Variants in FABP9 observed in about 807,000 individuals in gnomAD.
FABP9 encodes fatty acid-binding protein 9.
In FABP9, 11 loss-of-function variants were observed where a neutral mutation model predicts 14.7. The observed-to-expected ratio is 0.75, with a 90% CI of 0.47 to 1.24. FABP9 has a LOEUF of 1.24. FABP9 is among the 50% of genes most tolerant of loss of function. The pLI is 0.00. For synonymous variants in FABP9, 54 were observed against 50.6 expected (o/e 1.07, Z -0.29); for missense variants, 171 against 158.2 (o/e 1.08, Z -0.44).
chr8:81,461,011 A>G (rs971141674), intron 1 of FABP9, among the ~76,000 whole-genome samples: 1 of 152,200 alleles, frequency 6.6e-6, no homozygotes, highest in Admixed American at 6.5e-5. Flanking sequence ...CTAAAAATTA[A>G]CCAACTAGAA....
At position 81,459,174 on chromosome 8, in the gene FABP9, C is replaced by A. The variant is rs1188900757; in HGVS notation, c.237G>T (p.Arg79=). The A allele has an allele frequency of 1.3e-6, 2 of 1,588,968 alleles. No individual in the cohort carries two copies. The highest frequency in any genetic ancestry group is 1.7e-6 in the Non-Finnish European group (2 of 1,172,048). Residue 79 remains arginine (R), a synonymous_variant, in exon 2 of 4, where the codon CGG becomes CGT. Coordinates refer to ENST00000379071, the MANE Select transcript of FABP9 (RefSeq NM_001080526.2). ...AAGAATTAGTTCTGACCTTTACTTTCCGGTTGTCTGCTGTAGTTTCATCAA... is the reference window on the plus strand; with the variant it reads ...AAGAATTAGTTCTGACCTTTACTTTACGGTTGTCTGCTGTAGTTTCATCAA... The part of the protein sequence containing the change: ...EEFDETTADN[R]KVKSTITLEN...
In FABP9 at chr8:81,461,533, C is replaced by T; in HGVS notation, c.-10G>A. On this transcript the variant is annotated 5_prime_UTR_variant, in exon 1 of 4. In the 5' UTR this introduces an upstream ATG that the reference lacks. Coordinates refer to ENST00000379071, the MANE Select transcript of FABP9 (RefSeq NM_001080526.2). ...AGAAGGGCTCAACCATCATGGAACA[C>T]TTGCTGAGAAGAGCCACTCGTAATT... 1 of 1,611,158 alleles carries T rather than the reference C, an allele frequency of 6.2e-7. No homozygotes were observed. Among genetic ancestry groups the T allele is most frequent in the Non-Finnish European group, 8.5e-7 (1 of 1,177,438 alleles).
intron 1 of FABP9, among the ~76,000 whole-genome samples, chr8:81,460,745 CTTAA>C (rs1181911770): frequency 6.6e-6 from 1 of 152,034 alleles, no homozygotes; most frequent in Non-Finnish European, 1.5e-5. Flanking sequence ...GGAGGTTTCT[CTTAA>C]TTAAATATGA....
intron 1 of FABP9, among the ~76,000 whole-genome samples, chr8:81,460,162 GCTAATTT>G (rs1807669467): frequency 6.6e-6 from 1 of 152,114 alleles, no homozygotes; most frequent in Non-Finnish European, 1.5e-5. Context: ...ACCATGCCCA[GCTAATTT>G]TTGTATTTTT....
chr8:81,458,686 C>T lies in FABP9; in HGVS notation c.264G>A (p.Glu88=), dbSNP rs775289277. 6.2e-7 allele frequency: 1 copy of T among 1,613,286 alleles called. No individual in the cohort carries two copies. The highest frequency in any genetic ancestry group is 2.2e-5 in the East Asian group (1 of 44,850). ...TTTGGACGTGAATCATTGAGCCATTCTCTAATGTTATGGTGCTCTATAAAT... is the reference window on the plus strand; with the variant it reads ...TTTGGACGTGAATCATTGAGCCATTTTCTAATGTTATGGTGCTCTATAAAT... ...NRKVKSTITL[E]NGSMIHVQKW... Residue 88 remains glutamate (E), a synonymous_variant, in exon 3 of 4, where the codon GAG becomes GAA. Transcript: ENST00000379071.
intron 2 of FABP9, among the ~76,000 whole-genome samples, 189 bp from the exon 3 acceptor site, chr8:81,458,892 C>T (rs940704301): frequency 6.6e-6 from 1 of 152,166 alleles, no homozygotes; most frequent in African/African-American, 2.4e-5. Flanking sequence ...CCTAGGCAAA[C>T]AATGCATAAG....
chr8:81,458,642 G>A lies in FABP9; in HGVS notation c.308C>T (p.Thr103Ile). The A allele has an allele frequency of 1.2e-6, 2 of 1,613,642 alleles. No homozygotes were observed. Among genetic ancestry groups the A allele is most frequent in the Non-Finnish European group, 1.7e-6 (2 of 1,179,812 alleles). ...ATCCACAATTTTTCTTTTGATTGTT[G>A]TCTCTTTGCCAAGCCATTTTTGGAC... Reference protein sequence around the residue: ...IHVQKWLGKETTIKRKIVDEK... With the variant: ...IHVQKWLGKEITIKRKIVDEK... Residue 103 changes from threonine (T) to isoleucine (I), a missense_variant, in exon 3 of 4, where the codon ACA (threonine) becomes ATA (isoleucine). Thr to Ile is a moderately conservative substitution (Grantham distance 89). Transcript: ENST00000379071.
chr8:81,459,773 C>G (rs189059519), intron 1 of FABP9, among the ~76,000 whole-genome samples: 2 of 152,248 alleles, frequency 1.3e-5, no homozygotes, highest in East Asian at 3.9e-4. Flanking sequence ...ATATCAAACT[C>G]CATTTCACAT....
In FABP9 at chr8:81,461,465, T is replaced by C. The variant is rs776809357; in HGVS notation, c.59A>G (p.Tyr20Cys). The C allele has an allele frequency of 1.2e-6, 2 of 1,612,626 alleles. No individual in the cohort carries two copies. Among genetic ancestry groups the C allele is most frequent in the Non-Finnish European group, 1.7e-6 (2 of 1,178,632 alleles). ...GTATTTCTCACCCAGTTCTTTCATG[T>C]AATCCTCAAAGTTTTCACTGGAGAC... ...KLVSSENFEDYMKELGVNFAA... is the reference protein window; with the variant it reads ...KLVSSENFEDCMKELGVNFAA... The change falls in exon 1 of 4, where the codon TAC becomes TGC. Residue 20 changes from tyrosine (Y) to cysteine (C), a missense_variant. Transcript: ENST00000379071.
intron 1 of FABP9, among the ~76,000 whole-genome samples, chr8:81,459,620 C>T (rs1304871210): frequency 6.6e-6 from 1 of 152,156 alleles, no homozygotes; most frequent in Non-Finnish European, 1.5e-5. Context: ...TTGCACTTCA[C>T]CTTGTGGAGT....
At position 81,458,373 on chromosome 8, in the gene FABP9, G is replaced by A. The variant is rs1807627216; in HGVS notation, c.*10C>T. 1.2e-6 allele frequency: 2 copies of A among 1,604,808 alleles called. No homozygotes were observed. Among genetic ancestry groups the A allele is most frequent in the Admixed American group, 1.7e-5 (1 of 59,960 alleles). On this transcript the variant is annotated 3_prime_UTR_variant, in exon 4 of 4. Transcript: ENST00000379071. ...TCAGTGAACAAGTTTTCATTGCTGT[G>A]GACCTTTCTTCACACCTTTTCGTAG...
chr8:81,459,462 T>C, intron 1 of FABP9, 125 bp from the exon 2 acceptor site: 2 of 849,934 alleles, frequency 2.4e-6, no homozygotes, highest in East Asian at 3.1e-5. Flanking sequence ...TAACTTATTT[T>C]ATGTTTTCTG....
intron 1 of FABP9, among the ~76,000 whole-genome samples, chr8:81,460,299 C>T (rs949731547): frequency 2.0e-5 from 3 of 152,164 alleles, no homozygotes; most frequent in African/African-American, 4.8e-5. Flanking sequence ...TGTACCCAGC[C>T]AGCGGATGTT....
intron 1 of FABP9, 147 bp from the exon 2 acceptor site, chr8:81,459,484 C>A: frequency 3.0e-6 from 2 of 674,948 alleles, no homozygotes; most frequent in Non-Finnish European, 2.3e-6. Flanking sequence ...GATATCAGGG[C>A]TGAGCTAGAT....
rs139151876 is a variant in FABP9, at chr8:81,459,142, C to T, written c.246+23G>A. On this transcript the variant is annotated intron_variant, in intron 2 of 3. Transcript: ENST00000379071. ...TTCTAACTTTTTCCTGATTGTTGAACACCAGGAAGAATTAGTTCTGACCTT... is the reference window on the plus strand; with the variant it reads ...TTCTAACTTTTTCCTGATTGTTGAATACCAGGAAGAATTAGTTCTGACCTT... 2.6e-4 allele frequency: 409 copies of T among 1,559,168 alleles called. 2 individuals carry two copies. The East Asian group carries it at 9.2e-3, about 35-fold the overall frequency.
Position 81,458,271 on chromosome 8 carries a change from T to C in FABP9, c.*112A>G, listed in dbSNP as rs143803449. 43 of 811,858 alleles carry C rather than the reference T, an allele frequency of 5.3e-5. 1 individual carries two copies. The highest frequency in any genetic ancestry group is 3.0e-4 in the South Asian group (19 of 63,056). The allele number at this position is 811,858 out of a possible 1,614,324, so 50.3% of individuals were successfully genotyped here. A position where few individuals can be genotyped will look rare whatever the true frequency, so the allele number is the denominator to read the frequency against. On this transcript the variant is annotated 3_prime_UTR_variant, in exon 4 of 4. Transcript: ENST00000379071. ...AACTGCACTTAATTTGATGCTTTTATTAAGCAAATTTATATTGAGACATTT... is the reference window on the plus strand; with the variant it reads ...AACTGCACTTAATTTGATGCTTTTACTAAGCAAATTTATATTGAGACATTT...
chr8:81,458,919 GTTTC>G (rs898437191), intron 2 of FABP9, among the ~76,000 whole-genome samples: 2 of 152,120 alleles, frequency 1.3e-5, no homozygotes, highest in Non-Finnish European at 2.9e-5. Context: ...GTGTTTAGTT[GTTTC>G]TTTCTATGTG....
intron 2 of FABP9, 119 bp from the exon 3 acceptor site, chr8:81,458,822 T>C: frequency 1.4e-6 from 1 of 729,488 alleles, no homozygotes; most frequent in Non-Finnish European, 2.2e-6. Flanking sequence ...TCACTTTTGT[T>C]GTCATGATGT....
chr8:81,461,347 A>T, intron 1 of FABP9, 104 bp downstream of exon 1: 2 of 837,650 alleles, frequency 2.4e-6, no homozygotes, highest in Non-Finnish European at 4.2e-6. Flanking sequence ...ATACCCTAGG[A>T]TCACAAAAGG....
Sources: gnomAD v4.1 joint callset for allele counts (sites outside exome capture counted in the v4.1 genomes callset) on GRCh38, gnomAD v4.1.1 for gene constraint, MANE v1.5 for transcripts, NCBI Gene and HGNC (gene_info 2026-07-23, HGNC 2026-07-21) for gene names.